EMP2: variants seen among roughly 807,000 people sequenced by gnomAD.
The protein encoded by EMP2 is epithelial membrane protein 2.
EMP2 carries 19 observed loss-of-function variants against 13.7 expected under a neutral mutation model. The ratio of observed to expected loss-of-function variants is 1.38; its 90% CI spans 0.97 to 2.03. The LOEUF (loss-of-function observed/expected upper bound fraction) is 2.03. Among genes scored for constraint, EMP2 ranks in the 30% most tolerant of loss-of-function variants. The pLI, the probability that EMP2 is intolerant of heterozygous loss-of-function variation, is 0.00. For missense variants in EMP2, 253 were observed against 220.7 expected (o/e 1.15, Z -0.93); for synonymous variants, 97 against 84.7 (o/e 1.15, Z -0.80).
intron 1 of EMP2, chr16:10,578,166 C>T (rs543561473): frequency 2.0e-5 from 3 of 152,298 alleles, no homozygotes; most frequent in Admixed American, 6.5e-5. Context: ...GCTGTGCCCT[C>T]ACTGACCTGG....
At chr16:10,559,371 C>T (rs955639106) in intron 1 of EMP2, among the ~76,000 whole-genome samples, 13 of 152,226 alleles carry the variant, frequency 8.5e-5, no homozygotes, top group African/African-American at 2.9e-4. Context: ...CCTGGGCCGC[C>T]CAGCTCCATG....
rs947817238 is a variant in EMP2, at chr16:10,531,396, G to A, written c.*1509C>T. 8 of 150,862 alleles carry A rather than the reference G, an allele frequency of 5.3e-5. No homozygotes were observed. Among genetic ancestry groups the A allele is most frequent in the Non-Finnish European group, 1.0e-4 (7 of 68,130 alleles). The allele number at this position is 150,862 out of a possible 1,614,324, so 9.3% of individuals were successfully genotyped here. On this transcript the variant is annotated 3_prime_UTR_variant, in exon 5 of 5. Coordinates refer to ENST00000359543, the MANE Select transcript of EMP2 (RefSeq NM_001424.6). ...CACCCAGGCTGGAGTGCAGTGGCAC[G>A]GTCTCGGCTCACTGCAACCTCCACC...
chr16:10,556,893 G>A (rs1201083137), intron 1 of EMP2, among the ~76,000 whole-genome samples: 2 of 152,184 alleles, frequency 1.3e-5, no homozygotes, highest in Non-Finnish European at 2.9e-5. Context: ...AAACCATGCA[G>A]CAACCTAATT....
chr16:10,533,715 T>C (rs1342403965), intron 4 of EMP2, among the ~76,000 whole-genome samples: 1 of 152,212 alleles, frequency 6.6e-6, no homozygotes, highest in Admixed American at 6.5e-5. Context: ...CTATGGGCCA[T>C]AGTTTGCCAA....
At chr16:10,534,049 A>T (rs1452529362) in intron 4 of EMP2, among the ~76,000 whole-genome samples, 1 of 152,020 alleles carries the variant, frequency 6.6e-6, no homozygotes, top group Admixed American at 6.6e-5. Context: ...CACGAGGCAG[A>T]GGTTGCAGTG....
chr16:10,572,227 G>A (rs1172530466), intron 1 of EMP2, among the ~76,000 whole-genome samples: 2 of 152,068 alleles, frequency 1.3e-5, no homozygotes, highest in African/African-American at 4.8e-5. Context: ...AGGCTGAGGA[G>A]GGAGGATCAC....
chr16:10,563,848 A>C (rs927065287), intron 1 of EMP2, among the ~76,000 whole-genome samples: 2 of 152,256 alleles, frequency 1.3e-5, no homozygotes, highest in Non-Finnish European at 2.9e-5. Flanking sequence ...AAGTAGTTAG[A>C]ACAGCATCTG....
intron 1 of EMP2, among the ~76,000 whole-genome samples, chr16:10,559,806 C>T (rs1596378379): frequency 6.6e-6 from 1 of 152,136 alleles, no homozygotes; most frequent in African/African-American, 2.4e-5. Flanking sequence ...TCCCAAGTAG[C>T]TGGGATTACA....
At chr16:10,572,446 C>CAA (rs373462569) in intron 1 of EMP2, among the ~76,000 whole-genome samples, 5 of 143,140 alleles carry the variant, frequency 3.5e-5, no homozygotes, top group Non-Finnish European at 6.1e-5. Flanking sequence ...GATCCTGTCT[C>CAA]AAAAAAAAAA....
chr16:10,554,737 C>G (rs771431610), intron 1 of EMP2, among the ~76,000 whole-genome samples: 21 of 152,180 alleles, frequency 1.4e-4, no homozygotes, highest in Non-Finnish European at 2.9e-4. Context: ...CAGTGCTCTG[C>G]TGCTTTAGGG....
At chr16:10,579,506 A>G (rs2051008432) in intron 1 of EMP2, among the ~76,000 whole-genome samples, 1 of 152,112 alleles carries the variant, frequency 6.6e-6, no homozygotes, top group Non-Finnish European at 1.5e-5. Flanking sequence ...CCTCCCCAAG[A>G]AAAACTCTGT....
chr16:10,556,194 G>C (rs1228651479), intron 1 of EMP2, among the ~76,000 whole-genome samples: 1 of 152,004 alleles, frequency 6.6e-6, no homozygotes, highest in African/African-American at 2.4e-5. Context: ...AGCATTTCCA[G>C]TTTCCTTCCT....
chr16:10,562,566 T>C (rs892353635), intron 1 of EMP2, among the ~76,000 whole-genome samples: 2 of 152,126 alleles, frequency 1.3e-5, no homozygotes, highest in African/African-American at 4.8e-5. Context: ...TGAGCCCAGC[T>C]GAAATCAGAA....
chr16:10,567,924 G>C (rs2050919611), intron 1 of EMP2, among the ~76,000 whole-genome samples: 2 of 152,234 alleles, frequency 1.3e-5, no homozygotes, highest in South Asian at 4.1e-4. Context: ...AGAAAACGGA[G>C]GGGTAGCGAG....
intron 1 of EMP2, among the ~76,000 whole-genome samples, chr16:10,563,563 T>C (rs567028903): frequency 6.6e-6 from 1 of 152,324 alleles, no homozygotes; most frequent in East Asian, 1.9e-4. Flanking sequence ...AGTTAAAGAC[T>C]GTACATCACT....
At chr16:10,549,862 CTTTTCTTTTT>C (rs2050771270) in intron 1 of EMP2, among the ~76,000 whole-genome samples, 1 of 140,090 alleles carries the variant, frequency 7.1e-6, no homozygotes, top group African/African-American at 2.6e-5. Context: ...CTTTTCTTTT[CTTTTCTTTTT>C]TTTTCTTTTT....
intron 1 of EMP2, among the ~76,000 whole-genome samples, 154 bp from the exon 2 acceptor site, chr16:10,547,831 G>C (rs2050751505): frequency 6.6e-6 from 1 of 152,106 alleles, no homozygotes; most frequent in African/African-American, 2.4e-5. Context: ...CCAGGAGATT[G>C]AGACCAGCCC....
chr16:10,548,611 T>G (rs1433764473), intron 1 of EMP2, among the ~76,000 whole-genome samples: 2 of 152,086 alleles, frequency 1.3e-5, no homozygotes, highest in Non-Finnish European at 2.9e-5. Flanking sequence ...GAAGGATTGC[T>G]TGAGCCCAGG....
intron 1 of EMP2, among the ~76,000 whole-genome samples, chr16:10,563,899 G>A (rs1257055072): frequency 6.6e-6 from 1 of 152,236 alleles, no homozygotes; most frequent in Non-Finnish European, 1.5e-5. Context: ...ACACAGGGCA[G>A]GCGAGCCCCC....
Sources: gnomAD v4.1 joint callset for allele counts (sites outside exome capture counted in the v4.1 genomes callset) on GRCh38, gnomAD v4.1.1 for gene constraint, MANE v1.5 for transcripts, NCBI Gene and HGNC (gene_info 2026-07-23, HGNC 2026-07-21) for gene names.